MDFIC2: variants seen among roughly 807,000 people sequenced by gnomAD.
The protein encoded by MDFIC2 is myoD family inhibitor domain-containing protein 2.
intron 2 of MDFIC2, among the ~76,000 whole-genome samples, chr3:70,209,936 T>C (rs12714760): frequency 0.99 from 150,768 of 152,208 alleles, 74,683 homozygotes; most frequent in East Asian, 1. Flanking sequence ...CATTAGAGAG[T>C]AGCTCAGAAA....
intron 2 of MDFIC2, among the ~76,000 whole-genome samples, chr3:70,225,035 G>C (rs537826367): frequency 6.6e-6 from 1 of 152,156 alleles, no homozygotes; most frequent in Non-Finnish European, 1.5e-5. Flanking sequence ...GGTTAAAACT[G>C]TTTGGAAAAT....
intron 2 of MDFIC2, among the ~76,000 whole-genome samples, chr3:70,258,035 G>C (rs1701832850): frequency 6.6e-6 from 1 of 152,178 alleles, no homozygotes; most frequent in Non-Finnish European, 1.5e-5. Flanking sequence ...GGGAAATGGA[G>C]AGTCTTTTCA....
At chr3:70,289,670 C>T (rs1340077362) in intron 2 of MDFIC2, among the ~76,000 whole-genome samples, 1 of 152,016 alleles carries the variant, frequency 6.6e-6, no homozygotes, top group South Asian at 2.1e-4. Flanking sequence ...AACTTGGTTC[C>T]ATTCTCCCCA....
chr3:70,278,599 A>G (rs1522346), intron 2 of MDFIC2, among the ~76,000 whole-genome samples: 89,750 of 151,338 alleles, frequency 0.59, 27,903 homozygotes, highest in Non-Finnish European at 0.7. Context: ...ATAGATTTGA[A>G]TGCCTTTATT....
chr3:70,286,834 G>T (rs1361689743), intron 2 of MDFIC2, among the ~76,000 whole-genome samples: 3 of 152,116 alleles, frequency 2.0e-5, no homozygotes, highest in African/African-American at 7.2e-5. Context: ...GCGAATGAGA[G>T]TTCTCATGAT....
chr3:70,264,920 A>G (rs1295999574), intron 2 of MDFIC2, among the ~76,000 whole-genome samples: 5 of 152,210 alleles, frequency 3.3e-5, no homozygotes, highest in Admixed American at 6.5e-5. Flanking sequence ...ATAGTTCCAC[A>G]TGGCTGGGGA....
chr3:70,280,706 C>T (rs920911506), intron 2 of MDFIC2, among the ~76,000 whole-genome samples: 1 of 152,144 alleles, frequency 6.6e-6, no homozygotes, highest in South Asian at 2.1e-4. Flanking sequence ...GTCTCCAAAG[C>T]CAGCCATAAA....
chr3:70,251,813 C>T (rs1027042353), intron 2 of MDFIC2, among the ~76,000 whole-genome samples: 7 of 152,182 alleles, frequency 4.6e-5, no homozygotes, highest in African/African-American at 1.4e-4. Context: ...CCCTACTGCA[C>T]CTGATTCAGA....
chr3:70,218,791 A>G (rs1424592465), intron 2 of MDFIC2, among the ~76,000 whole-genome samples: 2 of 152,090 alleles, frequency 1.3e-5, no homozygotes, highest in Admixed American at 6.6e-5. Flanking sequence ...GGTAACCCAT[A>G]CTCAAGTGCA....
At chr3:70,199,404 C>T (rs116298882) in intron 3 of MDFIC2, among the ~76,000 whole-genome samples, 3,044 of 152,104 alleles carry the variant, frequency 0.02, 104 homozygotes, top group African/African-American at 0.068. Context: ...TTGGCTTAAT[C>T]CTTTGGCCAA....
intron 2 of MDFIC2, among the ~76,000 whole-genome samples, chr3:70,279,965 G>A (rs532706656): frequency 6.6e-6 from 1 of 152,118 alleles, no homozygotes; most frequent in Non-Finnish European, 1.5e-5. Flanking sequence ...GTTTTTTAGG[G>A]TTGCTGTAAC....
intron 2 of MDFIC2, among the ~76,000 whole-genome samples, chr3:70,250,643 G>C (rs1701756361): frequency 6.6e-6 from 1 of 152,164 alleles, no homozygotes. Flanking sequence ...AAATTACGCT[G>C]TGTTTTTATT....
intron 2 of MDFIC2, among the ~76,000 whole-genome samples, chr3:70,273,616 G>A (rs1296576603): frequency 6.6e-6 from 1 of 152,162 alleles, no homozygotes; most frequent in Non-Finnish European, 1.5e-5. Context: ...GTTTATAAGA[G>A]CATTTTGACA....
intron 2 of MDFIC2, among the ~76,000 whole-genome samples, chr3:70,262,365 A>T (rs9827974): frequency 1.3e-5 from 2 of 152,188 alleles, no homozygotes; most frequent in Non-Finnish European, 2.9e-5. Context: ...CATAAGTTTT[A>T]ATGAGAAAAA....
intron 2 of MDFIC2, among the ~76,000 whole-genome samples, chr3:70,287,388 T>G (rs1375143367): frequency 6.6e-6 from 1 of 151,240 alleles, no homozygotes; most frequent in Non-Finnish European, 1.5e-5. Flanking sequence ...TGAACCAGCC[T>G]TGCATCCCAG....
At chr3:70,263,072 T>G (rs1701882270) in intron 2 of MDFIC2, among the ~76,000 whole-genome samples, 1 of 152,224 alleles carries the variant, frequency 6.6e-6, no homozygotes, top group African/African-American at 2.4e-5. Flanking sequence ...TCTTTATGTT[T>G]GTCTTTCCTC....
rs187746294 is a variant in MDFIC2, at chr3:70,198,381, G to A, written c.311-1196C>T. 3.7e-3 allele frequency among the ~76,000 whole-genome samples: 559 copies of A among 152,098 alleles called. 5 individuals carry two copies. Among genetic ancestry groups the A allele is most frequent in the Admixed American group, 3.9e-3 (59 of 15,270 alleles). On this transcript the variant is annotated intron_variant, in intron 3 of 3. Coordinates refer to ENST00000567252, the MANE Select transcript of MDFIC2 (RefSeq NM_001364677.1). ...TGCCTACAGTATAAGTGCTCTTATC[G>A]CCGTATTCATTTACTTTTATTTTCC...
chr3:70,220,887 A>G (rs1701455977), intron 2 of MDFIC2, among the ~76,000 whole-genome samples: 1 of 152,126 alleles, frequency 6.6e-6, no homozygotes, highest in Admixed American at 6.6e-5. Context: ...CAGGGAGGGG[A>G]ACCATGCCTT....
At chr3:70,238,092 C>T (rs915978322) in intron 2 of MDFIC2, among the ~76,000 whole-genome samples, 12 of 139,288 alleles carry the variant, frequency 8.6e-5, no homozygotes, top group Non-Finnish European at 1.8e-4. Flanking sequence ...AAATGGCTTG[C>T]CCTGTCCTGC....
Sources: gnomAD v4.1 joint callset for allele counts (sites outside exome capture counted in the v4.1 genomes callset) on GRCh38, gnomAD v4.1.1 for gene constraint, MANE v1.5 for transcripts, NCBI Gene and HGNC (gene_info 2026-07-23, HGNC 2026-07-21) for gene names.